Variants in MPPED1 observed in about 807,000 individuals in gnomAD.
MPPED1 encodes the protein metallophosphoesterase domain containing 1, also known as metallophosphoesterase domain-containing protein 1.
In MPPED1, 16 loss-of-function variants were observed where a neutral mutation model predicts 36.2. That is an observed-to-expected ratio of 0.44 (90% confidence interval 0.30 to 0.67). The LOEUF (loss-of-function observed/expected upper bound fraction) is 0.67. MPPED1 is among the 30% of genes least tolerant of loss of function. The pLI, the probability that MPPED1 is intolerant of heterozygous loss-of-function variation, is 0.10. For synonymous variants in MPPED1, 199 were observed against 191.3 expected, an observed-to-expected ratio of 1.04 and a Z score of -0.33; for missense variants, 307 against 453.4, an observed-to-expected ratio of 0.68 and a Z score of 2.93.
intron 4 of MPPED1, among the ~76,000 whole-genome samples, chr22:43,487,817 G>A (rs971368159): frequency 6.6e-6 from 1 of 152,150 alleles, no homozygotes; most frequent in Non-Finnish European, 1.5e-5. Context: ...TCTCTGAAAC[G>A]GGCGGGCCTC....
At chr22:43,437,841 G>A (rs114244939) in intron 3 of MPPED1, among the ~76,000 whole-genome samples, 4,980 of 152,262 alleles carry the variant, frequency 0.033, 271 homozygotes, top group African/African-American at 0.11. Flanking sequence ...CTGGGTAGGG[G>A]TGGGGTGTTG....
In MPPED1 at chr22:43,465,261, G is replaced by A. The variant is rs147182805; in HGVS notation, c.407-9475G>A. On this transcript the variant is annotated intron_variant, in intron 3 of 6. Transcript: ENST00000443721. ...AAGTCATGGACTCTTGATGTCTGCC[G>A]AGTGAACGGAGACCATGACAGTTGG... 4.1e-4 allele frequency among the ~76,000 whole-genome samples: 63 copies of A among 152,348 alleles called. No individual in the cohort carries two copies. The South Asian group carries it at 7.9e-3, about 19-fold the overall frequency.
chr22:43,495,522 AGGTG>A (rs1932264568), intron 4 of MPPED1, among the ~76,000 whole-genome samples: 1 of 14,292 alleles, frequency 7.0e-5, no homozygotes, highest in African/African-American at 4.2e-4. Flanking sequence ...GTGGTGGTGG[AGGTG>A]GTGGTGGTGG....
rs966003026 is a variant in MPPED1 at position 43,470,754 on chromosome 22, G to A, written c.407-3982G>A. Among the ~76,000 whole-genome samples the A allele has an allele frequency of 6.6e-5, 10 of 152,214 alleles. No individual in the cohort carries two copies. In the South Asian group the frequency reaches 1.0e-3, roughly 16 times the overall value. On this transcript the variant is annotated intron_variant, in intron 3 of 6. Coordinates refer to ENST00000443721, the MANE Select transcript of MPPED1 (RefSeq NM_001044370.2). The stretch of plus-strand genomic sequence containing the variant: ...CAAGCTCTCTCTGGGCCTCAGTTTC[G>A]CCAGGTTTACCTGGGGATAGTAACA...
Position 43,484,200 on chromosome 22 carries a change from G to T in MPPED1, c.632+9239G>T, listed in dbSNP as rs1021121492. Reference sequence around the variant, plus strand: ...GGCAGGTGAGGCAAAGACTTTCCCCGCTGCTTCATACTCGAGACCCGCATT... The same window carrying T: ...GGCAGGTGAGGCAAAGACTTTCCCCTCTGCTTCATACTCGAGACCCGCATT... On this transcript the variant is annotated intron_variant, in intron 4 of 6. Transcript: ENST00000443721. Among the ~76,000 whole-genome samples, 22 of 152,316 alleles carry T rather than the reference G, an allele frequency of 1.4e-4. 1 individual carries two copies. Among genetic ancestry groups the T allele is most frequent in the Admixed American group, 2.0e-4 (3 of 15,314 alleles).
chr22:43,467,047 G>T (rs551728910), intron 3 of MPPED1, among the ~76,000 whole-genome samples: 1 of 152,226 alleles, frequency 6.6e-6, no homozygotes, highest in Non-Finnish European at 1.5e-5. Flanking sequence ...TGGGGCTCAC[G>T]TGTCTTCATC....
chr22:43,500,279 G>A (rs911456217), intron 5 of MPPED1, among the ~76,000 whole-genome samples: 2 of 36,310 alleles, frequency 5.5e-5, no homozygotes, highest in African/African-American at 2.0e-4. Context: ...TGGAGGTGGC[G>A]GTGGTGATGG....
At chr22:43,428,803 G>T (rs763800003) in intron 2 of MPPED1, among the ~76,000 whole-genome samples, 1 of 151,884 alleles carries the variant, frequency 6.6e-6, no homozygotes, top group Admixed American at 6.6e-5. Flanking sequence ...AAGACTCCTT[G>T]CCCCGGTGAC....
At chr22:43,452,875 T>C (rs1248704949) in intron 3 of MPPED1, among the ~76,000 whole-genome samples, 2 of 152,038 alleles carry the variant, frequency 1.3e-5, no homozygotes, top group Non-Finnish European at 2.9e-5. Flanking sequence ...GCAGTCCTCC[T>C]TTGACCTCCC....
At chr22:43,462,516 G>A (rs1436066377) in intron 3 of MPPED1, among the ~76,000 whole-genome samples, 1 of 152,162 alleles carries the variant, frequency 6.6e-6, no homozygotes, top group Non-Finnish European at 1.5e-5. Context: ...ACTCACATAT[G>A]CATCTTTTCA....
chr22:43,436,053 C>G (rs562587260), intron 3 of MPPED1, among the ~76,000 whole-genome samples: 2 of 152,334 alleles, frequency 1.3e-5, no homozygotes, highest in South Asian at 4.1e-4. Context: ...TTCCCATGCA[C>G]TGCGCCATGG....
intron 3 of MPPED1, among the ~76,000 whole-genome samples, chr22:43,471,261 G>T (rs908920100): frequency 7.9e-5 from 12 of 152,256 alleles, no homozygotes; most frequent in Admixed American, 1.3e-4. Context: ...CAGGATGGAT[G>T]GGTGATGTGA....
intron 1 of MPPED1, among the ~76,000 whole-genome samples, chr22:43,414,729 CCCCT>C (rs1426299136): frequency 6.6e-6 from 1 of 152,174 alleles, no homozygotes; most frequent in African/African-American, 2.4e-5. Flanking sequence ...TCTCCCATCG[CCCCT>C]CCCTCACCGG....
chr22:43,497,374 C>A (rs1450512316), intron 4 of MPPED1, among the ~76,000 whole-genome samples: 1 of 151,946 alleles, frequency 6.6e-6, no homozygotes, highest in East Asian at 1.9e-4. Flanking sequence ...TTGGGAAGTG[C>A]TGAGGTAGGG....
chr22:43,414,765 C>T (rs1028194930), intron 1 of MPPED1, among the ~76,000 whole-genome samples: 5 of 152,164 alleles, frequency 3.3e-5, no homozygotes, highest in African/African-American at 1.2e-4. Flanking sequence ...GGTCTTTTCA[C>T]GAATTCCCCC....
At chr22:43,422,176 A>T (rs1489070391) in intron 1 of MPPED1, among the ~76,000 whole-genome samples, 1 of 152,220 alleles carries the variant, frequency 6.6e-6, no homozygotes, top group East Asian at 1.9e-4. Flanking sequence ...AGAGGAGGGC[A>T]GAGGCGGAAG....
chr22:43,459,284 A>T (rs555893917), intron 3 of MPPED1, among the ~76,000 whole-genome samples: 1 of 152,110 alleles, frequency 6.6e-6, no homozygotes, highest in East Asian at 1.9e-4. Flanking sequence ...TTTTGCCATG[A>T]TGGGGTATTG....
intron 3 of MPPED1, among the ~76,000 whole-genome samples, chr22:43,473,024 C>G (rs1334497418): frequency 6.6e-6 from 1 of 152,218 alleles, no homozygotes; most frequent in Admixed American, 6.5e-5. Flanking sequence ...TCTTCCGAGT[C>G]TCAGCCCATA....
chr22:43,495,353 G>T (rs1237136228), intron 4 of MPPED1, among the ~76,000 whole-genome samples: 2 of 148,866 alleles, frequency 1.3e-5, no homozygotes, highest in Non-Finnish European at 3.0e-5. Flanking sequence ...GGTGTTGATG[G>T]AGGTGATGGT....
Sources: allele counts gnomAD v4.1 joint callset (sites outside exome capture counted in the v4.1 genomes callset), GRCh38; gene constraint gnomAD v4.1.1; transcripts MANE v1.5; gene names NCBI Gene and HGNC (gene_info 2026-07-23, HGNC 2026-07-21).